Variants in NLGN1 observed in about 807,000 individuals in gnomAD.
NLGN1 encodes the protein neuroligin 1, also known as neuroligin-1.
NLGN1 carries 12 observed loss-of-function variants against 65.5 expected under a neutral mutation model. The ratio of observed to expected loss-of-function variants is 0.18; its 90% CI spans 0.12 to 0.30. The LOEUF is 0.30. Among genes scored for constraint, NLGN1 ranks in the 10% least tolerant of loss-of-function variants. NLGN1 has a pLI of 1.00. For synonymous variants in NLGN1, 350 were observed against 359.5 expected (o/e 0.97, Z 0.30); for missense variants, 750 against 1,007.1 (o/e 0.74, Z 3.46).
chr3:173,596,881 A>G lies in NLGN1; in HGVS notation c.-320-7398A>G, dbSNP rs140775728. 3.9e-5 allele frequency among the ~76,000 whole-genome samples: 6 copies of G among 152,200 alleles called. No homozygotes were observed. In the East Asian group the frequency reaches 9.7e-4, roughly 25 times the overall value. ...ATGTTTAGATTTAGTTGATCTGTTC[A>G]ACATTAGGATTACCATTTCTGTAAC... On this transcript the variant is annotated intron_variant, in intron 2 of 6. Coordinates refer to ENST00000457714, the Ensembl canonical transcript of NLGN1.
At chr3:173,940,697 A>G (rs9862869) in intron 4 of NLGN1, among the ~76,000 whole-genome samples, 6,667 of 152,220 alleles carry the variant, frequency 0.044, 247 homozygotes, top group African/African-American at 0.1. Flanking sequence ...TCTTCTAATA[A>G]TCCTATCCTG....
At chr3:174,122,379 A>T (rs1326457614) in intron 4 of NLGN1, among the ~76,000 whole-genome samples, 1 of 152,172 alleles carries the variant, frequency 6.6e-6, no homozygotes, top group Non-Finnish European at 1.5e-5. Flanking sequence ...ACCATAAAAT[A>T]AAAATGGCAG....
chr3:173,881,261 G>A (rs114954057), intron 4 of NLGN1, among the ~76,000 whole-genome samples: 3,196 of 151,158 alleles, frequency 0.021, 54 homozygotes, highest in Non-Finnish European at 0.032. Flanking sequence ...ACCACCCCTG[G>A]CTAATTTTTG....
At chr3:173,851,170 C>T (rs1397705980) in intron 4 of NLGN1, among the ~76,000 whole-genome samples, 1 of 152,070 alleles carries the variant, frequency 6.6e-6, no homozygotes, top group Non-Finnish European at 1.5e-5. Context: ...CCATTTTCCT[C>T]GAAGTTTGCA....
intron 3 of NLGN1, among the ~76,000 whole-genome samples, chr3:173,647,429 A>G (rs1284145773): frequency 1.3e-5 from 2 of 152,222 alleles, no homozygotes; most frequent in Non-Finnish European, 2.9e-5. Context: ...TTACCAAGAT[A>G]AGCAATATTC....
intron 2 of NLGN1, among the ~76,000 whole-genome samples, chr3:173,534,499 G>A (rs909411832): frequency 2.6e-5 from 4 of 152,058 alleles, no homozygotes; most frequent in Admixed American, 6.6e-5. Flanking sequence ...CTTTGCTTAT[G>A]CCGGTTTCAT....
chr3:173,973,470 A>G (rs1195245151), intron 4 of NLGN1, among the ~76,000 whole-genome samples: 1 of 152,126 alleles, frequency 6.6e-6, no homozygotes, highest in Non-Finnish European at 1.5e-5. Context: ...GTGCAGGGAA[A>G]TCCATGTTGA....
chr3:173,517,586 G>A (rs1304835107), intron 2 of NLGN1, among the ~76,000 whole-genome samples: 1 of 151,982 alleles, frequency 6.6e-6, no homozygotes, highest in Non-Finnish European at 1.5e-5. Context: ...ACCCAGTCAT[G>A]CTTTTCCCCA....
intron 4 of NLGN1, among the ~76,000 whole-genome samples, chr3:173,829,224 T>C (rs1280003050): frequency 1.3e-5 from 2 of 152,018 alleles, no homozygotes; most frequent in African/African-American, 4.8e-5. Context: ...AGGAACAACT[T>C]TTTGGCAAGA....
At chr3:173,911,173 G>T (rs1491707) in intron 4 of NLGN1, among the ~76,000 whole-genome samples, 9,781 of 152,168 alleles carry the variant, frequency 0.064, 766 homozygotes, top group East Asian at 0.32. Flanking sequence ...CAATAAAAAT[G>T]TACTAATTTT....
intron 4 of NLGN1, among the ~76,000 whole-genome samples, chr3:173,895,326 A>T (rs1736148752): frequency 6.6e-6 from 1 of 152,154 alleles, no homozygotes; most frequent in Non-Finnish European, 1.5e-5. Flanking sequence ...ATACTTCATG[A>T]TTTTATTACA....
chr3:173,551,579 A>G (rs1250589350), intron 2 of NLGN1, among the ~76,000 whole-genome samples: 3 of 152,322 alleles, frequency 2.0e-5, no homozygotes, highest in East Asian at 3.9e-4. Flanking sequence ...TTTCTTTTAC[A>G]TGTACTCCGA....
chr3:173,996,281 G>A (rs950575051), intron 4 of NLGN1, among the ~76,000 whole-genome samples: 3 of 152,056 alleles, frequency 2.0e-5, no homozygotes, highest in African/African-American at 7.2e-5. Flanking sequence ...TGTATATATA[G>A]TGCAAGGACA....
intron 4 of NLGN1, among the ~76,000 whole-genome samples, chr3:174,261,889 G>T (rs62291786): frequency 7.0e-6 from 1 of 142,344 alleles, no homozygotes; most frequent in African/African-American, 2.7e-5. Flanking sequence ...AGTTTTTAGC[G>T]TGAAGCGTTG....
At chr3:173,906,390 T>C (rs1738390552) in intron 4 of NLGN1, among the ~76,000 whole-genome samples, 1 of 152,198 alleles carries the variant, frequency 6.6e-6, no homozygotes, top group Non-Finnish European at 1.5e-5. Flanking sequence ...TGATAATTTA[T>C]ATTAATAGTT....
chr3:173,780,408 G>C (rs927849165), intron 3 of NLGN1, among the ~76,000 whole-genome samples: 2 of 152,158 alleles, frequency 1.3e-5, no homozygotes, highest in African/African-American at 4.8e-5. Context: ...AGACTCAATA[G>C]TTTATTGGCT....
At chr3:173,846,131 C>T (rs1158639466) in intron 4 of NLGN1, among the ~76,000 whole-genome samples, 5 of 151,786 alleles carry the variant, frequency 3.3e-5, no homozygotes, top group Non-Finnish European at 4.4e-5. Flanking sequence ...TTCTTGTGTC[C>T]CCAGTACAAG....
chr3:173,853,812 A>G (rs1260224850), intron 4 of NLGN1, among the ~76,000 whole-genome samples: 5 of 152,088 alleles, frequency 3.3e-5, no homozygotes, highest in Non-Finnish European at 7.4e-5. Context: ...AGATAAGTCA[A>G]TGATGAGAGG....
chr3:173,747,877 G>T (rs1227538049), intron 3 of NLGN1, among the ~76,000 whole-genome samples: 1 of 117,378 alleles, frequency 8.5e-6, no homozygotes, highest in Non-Finnish European at 1.6e-5. Flanking sequence ...GCAGTGGCAT[G>T]ATCTCAGCTC....
Sources: gnomAD v4.1 joint callset for allele counts (sites outside exome capture counted in the v4.1 genomes callset) on GRCh38, gnomAD v4.1.1 for gene constraint, MANE v1.5 for transcripts, NCBI Gene and HGNC (gene_info 2026-07-23, HGNC 2026-07-21) for gene names.